PHAX: variants seen among roughly 807,000 people sequenced by gnomAD.
PHAX encodes the protein phosphorylated adapter RNA export protein.
PHAX carries 31 observed loss-of-function variants against 41.6 expected under a neutral mutation model. The observed-to-expected ratio is 0.75, with a 90% CI of 0.56 to 1.01. PHAX has a LOEUF of 1.01. PHAX is among the 50% of genes least tolerant of loss of function. The pLI, the probability that PHAX is intolerant of heterozygous loss-of-function variation, is 0.00. For missense variants in PHAX, 453 were observed against 472.9 expected (o/e 0.96, Z 0.39); for synonymous variants, 175 against 164.9 (o/e 1.06, Z -0.47).
intron 4 of PHAX, among the ~76,000 whole-genome samples, chr5:126,624,077 C>T (rs1034879859): frequency 4.1e-5 from 6 of 147,930 alleles, no homozygotes; most frequent in Middle Eastern, 3.5e-3. Flanking sequence ...GGCACAGTCT[C>T]GGCTCACTGC....
rs1465986518 is a variant in PHAX, at chr5:126,617,352, C to T, written c.915+19C>T. 2 of 1,447,028 alleles carry T rather than the reference C, an allele frequency of 1.4e-6. No homozygotes were observed. Among genetic ancestry groups the T allele is most frequent in the Non-Finnish European group, 1.9e-6 (2 of 1,033,198 alleles). The allele number at this position is 1,447,028 out of a possible 1,614,324, so 89.6% of individuals were successfully genotyped here. ...AATTAAGGTAATGATAATGTCCTCACCTCTTAAGCGCCATCATAATTTGAC... is the reference window on the plus strand; with the variant it reads ...AATTAAGGTAATGATAATGTCCTCATCTCTTAAGCGCCATCATAATTTGAC... On this transcript the variant is annotated intron_variant, in intron 4 of 4. Coordinates refer to ENST00000297540, the MANE Select transcript of PHAX (RefSeq NM_032177.4).
rs70994881 is a variant in PHAX at position 126,613,775 on chromosome 5, C to CTT, written c.832-3465_832-3464dup. On this transcript the variant is annotated intron_variant, in intron 3 of 4. Coordinates refer to ENST00000297540, the MANE Select transcript of PHAX (RefSeq NM_032177.4). The stretch of plus-strand genomic sequence containing the variant: ...TTTTTTCTTTTCTTTTTCTTTCTTT[C>CTT]TTTTTTTTTTTCCTTTTTGATACAG... 6.1e-3 allele frequency among the ~76,000 whole-genome samples: 901 copies of CTT among 146,562 alleles called. 7 individuals carry two copies. The highest frequency in any genetic ancestry group is 0.011 in the Admixed American group (160 of 14,620).
At position 126,603,800 on chromosome 5, in the gene PHAX, T is replaced by A; in HGVS notation, c.327T>A (p.Ala109=). 1 of 1,614,126 alleles carries A rather than the reference T, an allele frequency of 6.2e-7. No individual in the cohort carries two copies. Among genetic ancestry groups the A allele is most frequent in the Non-Finnish European group, 8.5e-7 (1 of 1,180,044 alleles). Residue 109 remains alanine, a synonymous_variant, in exon 2 of 5, where the codon GCT becomes GCA. Coordinates refer to ENST00000297540, the MANE Select transcript of PHAX (RefSeq NM_032177.4). ...AGAGCAGTCAGAAACCACCTGTTGC[T>A]GGAGGAAAGAAGATTAACAACATAT... ...FGQSSQKPPV[A]GGKKINNIWG...
At chr5:126,624,325 T>A (rs568272728) in intron 4 of PHAX, among the ~76,000 whole-genome samples, 1 of 152,274 alleles carries the variant, frequency 6.6e-6, no homozygotes, top group Admixed American at 6.5e-5. Context: ...TAGGAAATTT[T>A]TAACTGTAGA....
Position 126,601,009 on chromosome 5 carries a change from C to T in PHAX, c.47C>T (p.Ser16Leu). Residue 16 changes from serine to leucine, a missense_variant, in exon 1 of 5, where the codon TCG becomes TTG. Ser to Leu is a moderately radical substitution (Grantham distance 145). Transcript: ENST00000297540. ...GDMEDGQLSD[S>L]DSDMTVAPSD... ...ATGGAAGATGGGCAGCTTTCCGACT[C>T]GGATTCCGACATGACGGTCGCACCC... 6.2e-7 allele frequency: 1 copy of T among 1,606,370 alleles called. No homozygotes were observed. Among genetic ancestry groups the T allele is most frequent in the Non-Finnish European group, 8.5e-7 (1 of 1,176,554 alleles).
chr5:126,616,070 T>A (rs2112835434), intron 3 of PHAX, among the ~76,000 whole-genome samples: 1 of 129,820 alleles, frequency 7.7e-6, no homozygotes, highest in African/African-American at 3.2e-5. Context: ...TTTTTTGAAA[T>A]AGAGGTTTGC....
intron 4 of PHAX, among the ~76,000 whole-genome samples, chr5:126,620,769 T>A (rs996830253): frequency 6.6e-6 from 1 of 152,142 alleles, no homozygotes; most frequent in Admixed American, 6.6e-5. Context: ...AGACAGAGTC[T>A]CACTCTGTCC....
chr5:126,615,213 T>C (rs751481353), intron 3 of PHAX, among the ~76,000 whole-genome samples: 7 of 152,176 alleles, frequency 4.6e-5, no homozygotes, highest in Non-Finnish European at 8.8e-5. Context: ...AGTTATATCA[T>C]AATTTATATG....
chr5:126,616,442 T>C (rs1752184853), intron 3 of PHAX, among the ~76,000 whole-genome samples: 1 of 152,192 alleles, frequency 6.6e-6, no homozygotes, highest in African/African-American at 2.4e-5. Flanking sequence ...CAATTTAAGA[T>C]AGTATCTGTA....
rs754977406 is a variant in PHAX, at chr5:126,603,740, C to T, written c.267C>T (p.Asn89=). Residue 89 remains asparagine, a synonymous_variant, in exon 2 of 5, where the codon AAC becomes AAT. Transcript: ENST00000297540. The part of the protein sequence containing the change: ...LWKRKRQKCF[N]PPPKPEPFQF... ...AACGCAAACGACAGAAATGTTTTAA[C>T]CCTCCTCCCAAACCAGAGCCTTTTC... The T allele has an allele frequency of 1.1e-5, 17 of 1,614,086 alleles. No homozygotes were observed. The Admixed American group carries it at 2.8e-4, about 27-fold the overall frequency.
rs13173662 is a variant in PHAX at position 126,626,699 on chromosome 5, T to G, written c.*1855T>G. 0.088 allele frequency: 12,429 copies of G among 141,480 alleles called. 560 individuals are homozygous for G. The highest frequency in any genetic ancestry group is 0.13 in the South Asian group (570 of 4,472). 8.8% of individuals were successfully genotyped at this position (141,480 alleles called of 1,614,324 possible). A position where few individuals can be genotyped will look rare whatever the true frequency, so the allele number is the denominator to read the frequency against. Reference sequence around the variant, plus strand: ...TTGCAGTGAGCCGAGATCACGCCACTGCACTCCAGCCTGGCGACAGAGCGA... The same window carrying G: ...TTGCAGTGAGCCGAGATCACGCCACGGCACTCCAGCCTGGCGACAGAGCGA... On this transcript the variant is annotated 3_prime_UTR_variant, in exon 5 of 5. Transcript: ENST00000297540.
Position 126,601,022 on chromosome 5 carries a change from G to A in PHAX, c.60G>A (p.Met20Ile). 1 of 1,607,244 alleles carries A rather than the reference G, an allele frequency of 6.2e-7. No individual in the cohort carries two copies. The highest frequency in any genetic ancestry group is 8.5e-7 in the Non-Finnish European group (1 of 1,177,048). Residue 20 changes from methionine (M) to isoleucine (I), a missense_variant, in exon 1 of 5, where the codon ATG becomes ATA. Coordinates refer to ENST00000297540, the MANE Select transcript of PHAX (RefSeq NM_032177.4). ...DGQLSDSDSD[M>I]TVAPSDRPLQ... is the part of the protein sequence containing the mutation. ...AGCTTTCCGACTCGGATTCCGACAT[G>A]ACGGTCGCACCCAGCGACAGGCCGC...
intron 3 of PHAX, among the ~76,000 whole-genome samples, chr5:126,612,587 G>A (rs775791549): frequency 1.3e-5 from 2 of 152,098 alleles, no homozygotes; most frequent in Non-Finnish European, 2.9e-5. Flanking sequence ...TGTAATCCCA[G>A]CTACTCAGGA....
At chr5:126,608,336 G>C in intron 2 of PHAX, 28 bp from the exon 3 acceptor site, 2 of 1,603,588 alleles carry the variant, frequency 1.2e-6, no homozygotes, top group East Asian at 2.2e-5. Flanking sequence ...AACAAACAAA[G>C]AGGATAATTT....
intron 3 of PHAX, among the ~76,000 whole-genome samples, chr5:126,611,164 T>C (rs1045062818): frequency 2.0e-5 from 3 of 152,018 alleles, no homozygotes; most frequent in African/African-American, 7.3e-5. Context: ...CAAGCGATTC[T>C]CCTGCCTCAG....
intron 3 of PHAX, among the ~76,000 whole-genome samples, chr5:126,616,175 C>T (rs185994239): frequency 2.5e-4 from 38 of 152,022 alleles, no homozygotes; most frequent in Admixed American, 5.9e-4. Flanking sequence ...TCACTGCAAC[C>T]TCCACCTCCT....
In PHAX at chr5:126,625,205, G is replaced by A. The variant is rs766376266; in HGVS notation, c.*361G>A. ...ATTATGCTTTGCTTTAAAACATTCCGCTAAAATCATAATGGGACATATAAA... is the reference window on the plus strand; with the variant it reads ...ATTATGCTTTGCTTTAAAACATTCCACTAAAATCATAATGGGACATATAAA... On this transcript the variant is annotated 3_prime_UTR_variant, in exon 5 of 5. Transcript: ENST00000297540. 6 of 174,688 alleles carry A rather than the reference G, an allele frequency of 3.4e-5. No individual in the cohort carries two copies. In the East Asian group the frequency reaches 6.3e-4, roughly 18 times the overall value. The allele number at this position is 174,688 out of a possible 1,614,324, so 10.8% of individuals were successfully genotyped here. A position where few individuals can be genotyped will look rare whatever the true frequency, so the allele number is the denominator to read the frequency against.
At chr5:126,617,453 T>C in intron 4 of PHAX, 120 bp downstream of exon 4, 2 of 560,442 alleles carry the variant, frequency 3.6e-6, no homozygotes, top group Non-Finnish European at 6.3e-6. Context: ...ATTTTGTTAT[T>C]ATCTTAAGTA....
At position 126,603,986 on chromosome 5, in the gene PHAX, A is replaced by G. The variant is rs1451355919; in HGVS notation, c.513A>G (p.Leu171=). ...RKESQEHTKD[L]DKELDEYMHG... is the part of the protein sequence containing the mutation. ...AATCTCAAGAGCATACAAAAGATCT[A>G]GACAAGGAACTAGATGAATATATGC... The change falls in exon 2 of 5, where the codon CTA becomes CTG. Residue 171 remains leucine (L), a synonymous_variant. Transcript: ENST00000297540. The G allele has an allele frequency of 1.9e-6, 3 of 1,614,118 alleles. No individual in the cohort carries two copies. The highest frequency in any genetic ancestry group is 1.7e-6 in the Non-Finnish European group (2 of 1,180,004).
Sources: allele counts gnomAD v4.1 joint callset (sites outside exome capture counted in the v4.1 genomes callset), GRCh38; gene constraint gnomAD v4.1.1; transcripts MANE v1.5; gene names NCBI Gene and HGNC (gene_info 2026-07-23, HGNC 2026-07-21).